Variants in DTHD1 observed in about 807,000 individuals in gnomAD.
DTHD1 encodes the protein death domain containing 1.
A neutral mutation model predicts 74.8 loss-of-function variants in DTHD1; 59 were observed. That is an observed-to-expected ratio of 0.79 (90% confidence interval 0.64 to 0.98). DTHD1 has a LOEUF of 0.98. Among genes scored for constraint, DTHD1 ranks in the 50% least tolerant of loss-of-function variants. The probability of loss-of-function intolerance (pLI) is 0.00; values close to 1 mark genes in which losing one functional copy is unlikely to be tolerated. For synonymous variants in DTHD1, 365 were observed against 371.1 expected (o/e 0.98, Z 0.19); for missense variants, 1,051 against 1,065.4 (o/e 0.99, Z 0.19).
At chr4:36,322,777 A>C (rs1489438170) in intron 8 of DTHD1, among the ~76,000 whole-genome samples, 1 of 152,234 alleles carries the variant, frequency 6.6e-6, no homozygotes, top group Non-Finnish European at 1.5e-5. Flanking sequence ...ATCTTTCTGA[A>C]GTTGTGCCTC....
rs1755547729 is a variant in DTHD1, at chr4:36,284,011, AC to A, written c.308del (p.Thr103MetfsTer11). The A allele has an allele frequency of 2.6e-6, 4 of 1,536,910 alleles. No homozygotes were observed. The East Asian group carries it at 9.8e-5, about 38-fold the overall frequency. On this transcript the variant is annotated frameshift_variant, in exon 2 of 10. Transcript: ENST00000639862. LOFTEE classifies it high-confidence loss of function. ...TTTCATAGACTGCCTCATAAAAATA[AC>A]TGAACATTTGGGGAGCACTGCTGCA... Reference protein sequence around the residue: ...ITFIDCLIKITEHLGSTAALL... With the variant: ...ITFIDCLIKIXEHLGSTAALL...
chr4:36,338,096 C>T (rs1759112176), intron 8 of DTHD1, among the ~76,000 whole-genome samples: 1 of 152,158 alleles, frequency 6.6e-6, no homozygotes, highest in South Asian at 2.1e-4. Flanking sequence ...TATTCTATTA[C>T]CACAAAGATC....
rs1300802979 is a variant in DTHD1, at chr4:36,293,658, A to C, written c.1351A>C (p.Asn451His). ...AAGCATGGATTCCCGAATATCCTTA[A>C]ATTACCCTCCAGGAGTTTTTACCTC... Reference protein sequence around the residue: ...KSSMDSRISLNYPPGVFTSPV... With the variant: ...KSSMDSRISLHYPPGVFTSPV... Residue 451 changes from asparagine to histidine, a missense_variant, in exon 4 of 10, where the codon AAT becomes CAT. Coordinates refer to ENST00000639862, the MANE Select transcript of DTHD1 (RefSeq NM_001170700.3). 8 of 1,547,674 alleles carry C rather than the reference A, an allele frequency of 5.2e-6. No homozygotes were observed. Among genetic ancestry groups the C allele is most frequent in the Non-Finnish European group, 7.0e-6 (8 of 1,144,254 alleles).
At chr4:36,326,450 T>C (rs142201201) in intron 8 of DTHD1, among the ~76,000 whole-genome samples, 1 of 151,660 alleles carries the variant, frequency 6.6e-6, no homozygotes, top group East Asian at 1.9e-4. Flanking sequence ...GTTTCTTCAT[T>C]TAAGAAACTG....
chr4:36,337,533 T>A (rs1184133515), intron 8 of DTHD1, among the ~76,000 whole-genome samples: 3 of 152,214 alleles, frequency 2.0e-5, no homozygotes, highest in Non-Finnish European at 4.4e-5. Context: ...TGCTGCATTA[T>A]TTAAATTAGT....
At chr4:36,314,490 C>T (rs1055453889) in intron 7 of DTHD1, among the ~76,000 whole-genome samples, 2 of 128,246 alleles carry the variant, frequency 1.6e-5, no homozygotes, top group Non-Finnish European at 1.6e-5. Flanking sequence ...GCCTGAGCAA[C>T]ATGGTAAAAC....
chr4:36,334,715 G>A (rs1011109576), intron 8 of DTHD1, among the ~76,000 whole-genome samples: 4 of 152,220 alleles, frequency 2.6e-5, no homozygotes, highest in African/African-American at 9.6e-5. Flanking sequence ...GAGAGTGGTA[G>A]ACAGGGTGTA....
At chr4:36,320,565 A>T (rs748175812) in intron 8 of DTHD1, among the ~76,000 whole-genome samples, 4 of 152,224 alleles carry the variant, frequency 2.6e-5, no homozygotes, top group Non-Finnish European at 4.4e-5. Context: ...GGGTTCGTAT[A>T]GGGCTTTCCA....
At chr4:36,303,859 C>T (rs1343365857) in intron 5 of DTHD1, among the ~76,000 whole-genome samples, 5 of 152,196 alleles carry the variant, frequency 3.3e-5, no homozygotes, top group South Asian at 4.1e-4. Context: ...AGCCACTGTT[C>T]GGTTGCTATC....
intron 2 of DTHD1, among the ~76,000 whole-genome samples, chr4:36,285,115 T>A (rs1483002016): frequency 2.6e-5 from 4 of 152,184 alleles, no homozygotes; most frequent in African/African-American, 9.6e-5. Context: ...ATGGCCACTA[T>A]TATTAATATT....
At chr4:36,332,481 G>A (rs1758753816) in intron 8 of DTHD1, among the ~76,000 whole-genome samples, 1 of 152,132 alleles carries the variant, frequency 6.6e-6, no homozygotes, top group South Asian at 2.1e-4. Context: ...ATGATGATGG[G>A]ATATCACCAA....
rs1212634736 is a variant in DTHD1, at chr4:36,284,027, GC to G, written c.324del (p.Ser108ArgfsTer6). On this transcript the variant is annotated frameshift_variant, in exon 2 of 10. Coordinates refer to ENST00000639862, the MANE Select transcript of DTHD1 (RefSeq NM_001170700.3). LOFTEE classifies it high-confidence loss of function. ...ATAAAAATAACTGAACATTTGGGGAGCACTGCTGCACTTCTAAAGAAAGAAG... is the reference window on the plus strand; with the variant it reads ...ATAAAAATAACTGAACATTTGGGGAGACTGCTGCACTTCTAAAGAAAGAAG... ...CLIKITEHLG[S>X]TAALLKKEEK... is the part of the protein sequence containing the mutation. 5 of 1,537,116 alleles carry G rather than the reference GC, an allele frequency of 3.3e-6. No individual in the cohort carries two copies. Among genetic ancestry groups the G allele is most frequent in the Non-Finnish European group, 4.4e-6 (5 of 1,146,856 alleles).
At chr4:36,323,621 A>G (rs1466594245) in intron 8 of DTHD1, among the ~76,000 whole-genome samples, 1 of 140,750 alleles carries the variant, frequency 7.1e-6, no homozygotes, top group African/African-American at 2.5e-5. Flanking sequence ...AGAAATTCCT[A>G]TAAGAAAAAT....
intron 7 of DTHD1, among the ~76,000 whole-genome samples, chr4:36,314,511 CAAAAAAA>C (rs35806275): frequency 5.4e-5 from 4 of 74,512 alleles, no homozygotes; most frequent in African/African-American, 2.8e-4. Context: ...CCCGTCTCTA[CAAAAAAA>C]AAAAAAAAAA....
intron 8 of DTHD1, 78 bp from the exon 9 acceptor site, chr4:36,339,034 T>C: frequency 8.6e-7 from 1 of 1,161,804 alleles, no homozygotes; most frequent in Non-Finnish European, 1.2e-6. Context: ...AGAGATGATG[T>C]TCAGATGAAT....
intron 2 of DTHD1, among the ~76,000 whole-genome samples, chr4:36,288,593 C>T (rs1755859573): frequency 6.6e-6 from 1 of 152,172 alleles, no homozygotes; most frequent in Non-Finnish European, 1.5e-5. Flanking sequence ...TTTTTGTAAG[C>T]TTTGCTGAAG....
intron 8 of DTHD1, among the ~76,000 whole-genome samples, chr4:36,318,472 C>A (rs1757855833): frequency 6.6e-6 from 1 of 152,144 alleles, no homozygotes; most frequent in Admixed American, 6.5e-5. Flanking sequence ...TGGGGGAGAT[C>A]CCGTGGTCCA....
intron 8 of DTHD1, among the ~76,000 whole-genome samples, chr4:36,338,053 A>G (rs189008058): frequency 1.9e-3 from 294 of 152,280 alleles, no homozygotes; most frequent in African/African-American, 6.8e-3. Context: ...TCAGGTGTAG[A>G]TTTATGCAAC....
chr4:36,289,790 A>AT (rs1755945691), intron 2 of DTHD1, among the ~76,000 whole-genome samples: 1 of 152,026 alleles, frequency 6.6e-6, no homozygotes, highest in Non-Finnish European at 1.5e-5. Context: ...TTTTGGATTG[A>AT]TTTTTTTGGG....
Sources: allele counts gnomAD v4.1 joint callset (sites outside exome capture counted in the v4.1 genomes callset), GRCh38; gene constraint gnomAD v4.1.1; transcripts MANE v1.5; gene names NCBI Gene and HGNC (gene_info 2026-07-23, HGNC 2026-07-21).